POLR2G: variants seen among roughly 807,000 people sequenced by gnomAD.
The protein encoded by POLR2G is DNA-directed RNA polymerase II subunit RPB7.
In POLR2G, 19 loss-of-function variants were observed where a neutral mutation model predicts 25.7. The observed-to-expected ratio is 0.74, with a 90% CI of 0.52 to 1.08. The LOEUF (loss-of-function observed/expected upper bound fraction) is 1.08. POLR2G is among the 50% of genes least tolerant of loss of function. POLR2G has a pLI of 0.00. For synonymous variants in POLR2G, 79 were observed against 76.0 expected, an observed-to-expected ratio of 1.04 and a Z score of -0.21; for missense variants, 123 against 218.5, an observed-to-expected ratio of 0.56 and a Z score of 2.76.
intron 3 of POLR2G, 105 bp downstream of exon 3, chr11:62,763,131 T>TTTTTTC: frequency 3.0e-6 from 1 of 336,778 alleles, no homozygotes; most frequent in Non-Finnish European, 4.9e-6. Context: ...TCACTTCACT[T>TTTTTTC]TTTTTTTTTT....
chr11:62,761,583 T>G lies in POLR2G; in HGVS notation c.-66T>G. On this transcript the variant is annotated 5_prime_UTR_variant, in exon 1 of 8. Coordinates refer to ENST00000301788, the MANE Select transcript of POLR2G (RefSeq NM_002696.3). ...CGGAACTGGGGTTGCGGCGTCTAAGTGTTTCCGGTGGATTCCCAGGGACTG... is the reference window on the plus strand; with the variant it reads ...CGGAACTGGGGTTGCGGCGTCTAAGGGTTTCCGGTGGATTCCCAGGGACTG... The G allele has an allele frequency of 6.6e-7, 1 of 1,513,218 alleles. No homozygotes were observed. The highest frequency in any genetic ancestry group is 1.4e-5 in the African/African-American group (1 of 72,114). 93.7% of individuals were successfully genotyped at this position (1,513,218 alleles called of 1,614,324 possible).
In POLR2G at chr11:62,762,429, T is replaced by C. The variant is rs932847219; in HGVS notation, c.123-438T>C. On this transcript the variant is annotated intron_variant, in intron 2 of 7. Coordinates refer to ENST00000301788, the MANE Select transcript of POLR2G (RefSeq NM_002696.3). ...TCTCTGGGCTTTGCACAGAGGGGCC[T>C]CTCTGATATTAATGAGCTGGGACCC... 3 of 309,580 alleles carry C rather than the reference T, an allele frequency of 9.7e-6. No homozygotes were observed. The Admixed American group carries it at 1.1e-4, about 12-fold the overall frequency. 19.2% of individuals were successfully genotyped at this position (309,580 alleles called of 1,614,324 possible).
intron 3 of POLR2G, 69 bp downstream of exon 3, chr11:62,763,095 T>C (rs1355048568): frequency 3.1e-6 from 3 of 963,196 alleles, no homozygotes; most frequent in African/African-American, 1.7e-5. Flanking sequence ...CTGGCTCCAC[T>C]TCATAACTCT....
In POLR2G at chr11:62,763,027, G is replaced by T; in HGVS notation, c.282+1G>T. On this transcript the variant is annotated splice_donor_variant, in intron 3 of 7. Coordinates refer to ENST00000301788, the MANE Select transcript of POLR2G (RefSeq NM_002696.3). LOFTEE classifies it high-confidence loss of function. ...TGCTGTTGTCACTCAGGTCAACAAG[G>T]TGAGACCATACATAGGGGAGGCAGT... The T allele has an allele frequency of 1.3e-6, 2 of 1,589,440 alleles. No homozygotes were observed. Among genetic ancestry groups the T allele is most frequent in the Non-Finnish European group, 1.7e-6 (2 of 1,162,846 alleles).
At chr11:62,762,603 C>T in intron 2 of POLR2G, 4 of 563,792 alleles carry the variant, frequency 7.1e-6, no homozygotes, top group East Asian at 4.2e-5. Context: ...TCTCAGGCAT[C>T]CCGAAGATTG....
In POLR2G at chr11:62,765,565, A is replaced by G. The variant is rs536189310; in HGVS notation, c.400-88A>G. The G allele has an allele frequency of 3.4e-5, 38 of 1,114,016 alleles. No homozygotes were observed. In the East Asian group the frequency reaches 6.6e-4, roughly 19 times the overall value. The allele number at this position is 1,114,016 out of a possible 1,614,324, so 69.0% of individuals were successfully genotyped here. On this transcript the variant is annotated intron_variant, in intron 5 of 7. Transcript: ENST00000301788. The stretch of plus-strand genomic sequence containing the variant: ...ATGGTGTGAAAGTGATGTGCATTCA[A>G]TATGCCCCCGGGCTTACAGTGAAGT...
intron 5 of POLR2G, 44 bp downstream of exon 5, chr11:62,765,449 C>A: frequency 1.3e-6 from 2 of 1,501,118 alleles, no homozygotes; most frequent in Non-Finnish European, 9.3e-7. Context: ...AGAGAATCAG[C>A]CATCCTGAGG....
chr11:62,762,743 G>A, intron 2 of POLR2G, 124 bp from the exon 3 acceptor site: 2 of 699,584 alleles, frequency 2.9e-6, no homozygotes, highest in Non-Finnish European at 5.2e-6. Flanking sequence ...GGGAGCAGAG[G>A]TGCTATCTAC....
At position 62,762,793 on chromosome 11, in the gene POLR2G, A is replaced by T. The variant is rs2084095104; in HGVS notation, c.123-74A>T. On this transcript the variant is annotated intron_variant, in intron 2 of 7. Transcript: ENST00000301788. The stretch of plus-strand genomic sequence containing the variant: ...TCCCCGACCCTACCCCCAAGAGCTC[A>T]GCGACTTTTATTGCAGATGTCTTTA... 3.9e-6 allele frequency: 5 copies of T among 1,267,970 alleles called. No individual in the cohort carries two copies. In the East Asian group the frequency reaches 1.2e-4, roughly 30 times the overall value. The allele number at this position is 1,267,970 out of a possible 1,614,324, so 78.5% of individuals were successfully genotyped here. A position where few individuals can be genotyped will look rare whatever the true frequency, so the allele number is the denominator to read the frequency against.
At chr11:62,763,560 C>CTGGGAT (rs2084099945) in intron 3 of POLR2G, among the ~76,000 whole-genome samples, 1 of 152,104 alleles carries the variant, frequency 6.6e-6, no homozygotes, top group Non-Finnish European at 1.5e-5. Flanking sequence ...TCCCAAAGTG[C>CTGGGAT]TGGGATTGCA....
intron 3 of POLR2G, among the ~76,000 whole-genome samples, chr11:62,764,718 C>T (rs1220615473): frequency 6.6e-6 from 1 of 152,036 alleles, no homozygotes; most frequent in Admixed American, 6.6e-5. Flanking sequence ...ATCGCTTGAG[C>T]CCAGGAGTTC....
At chr11:62,765,510 T>C (rs1396670761) in intron 5 of POLR2G, 105 bp downstream of exon 5, 1 of 1,120,758 alleles carries the variant, frequency 8.9e-7, no homozygotes, top group Non-Finnish European at 1.4e-6. Context: ...CGAATTACCA[T>C]GGCTTGATTC....
chr11:62,762,599 G>A (rs901579676), intron 2 of POLR2G: 3 of 555,246 alleles, frequency 5.4e-6, no homozygotes, highest in Non-Finnish European at 1.0e-5. Context: ...TGATTCTCAG[G>A]CATCCCGAAG....
At chr11:62,763,622 C>T (rs2467647) in intron 3 of POLR2G, among the ~76,000 whole-genome samples, 11,979 of 151,792 alleles carry the variant, frequency 0.079, 956 homozygotes, top group African/African-American at 0.21. Flanking sequence ...GGTAATCTTG[C>T]CCTGCCTAAC....
chr11:62,763,122 C>A, intron 3 of POLR2G, 96 bp downstream of exon 3: 65 of 517,120 alleles, frequency 1.3e-4, no homozygotes, highest in Non-Finnish European at 1.8e-4. Context: ...TTGGCTAAGT[C>A]ACTTCACTTT....
At position 62,766,240 on chromosome 11, in the gene POLR2G, C is replaced by A. The variant is rs367706909; in HGVS notation, c.472-3C>A. ...CACTTTCTTTTTACCATCTTTCTTGCAGTTTGCTATTGGCTCCCTGATGGA... is the reference window on the plus strand; with the variant it reads ...CACTTTCTTTTTACCATCTTTCTTGAAGTTTGCTATTGGCTCCCTGATGGA... On this transcript the variant is annotated splice_polypyrimidine_tract_variant and splice_region_variant and intron_variant, in intron 6 of 7. Coordinates refer to ENST00000301788, the MANE Select transcript of POLR2G (RefSeq NM_002696.3). 5.0e-6 allele frequency: 8 copies of A among 1,613,362 alleles called. No individual in the cohort carries two copies. The South Asian group carries it at 5.5e-5, about 11-fold the overall frequency.
chr11:62,764,953 G>A (rs1032777810), intron 3 of POLR2G, among the ~76,000 whole-genome samples: 3 of 151,924 alleles, frequency 2.0e-5, no homozygotes, highest in African/African-American at 7.3e-5. Flanking sequence ...CCACCTCCTG[G>A]GTTCAAACGA....
Position 62,765,217 on chromosome 11 carries a change from C to T in POLR2G, c.318C>T (p.Cys106=). ...TCACAGAAATTGGGCCCATGTCTTGCTTCATCTCTCGACATGTAAGTCTGG... is the reference window on the plus strand; with the variant it reads ...TCACAGAAATTGGGCCCATGTCTTGTTTCATCTCTCGACATGTAAGTCTGG... The part of the protein sequence containing the change: ...GLFTEIGPMS[C]FISRHSIPSE... The change falls in exon 4 of 8, where the codon TGC becomes TGT. Residue 106 remains cysteine, a synonymous_variant. Transcript: ENST00000301788. The T allele has an allele frequency of 6.2e-7, 1 of 1,613,892 alleles. No individual in the cohort carries two copies. Among genetic ancestry groups the T allele is most frequent in the Non-Finnish European group, 8.5e-7 (1 of 1,179,898 alleles).
intron 5 of POLR2G, 79 bp from the exon 6 acceptor site, chr11:62,765,574 C>G: frequency 8.7e-7 from 1 of 1,148,496 alleles, no homozygotes; most frequent in South Asian, 1.2e-5. Flanking sequence ...AATATGCCCC[C>G]GGGCTTACAG....
Sources: allele counts gnomAD v4.1 joint callset (sites outside exome capture counted in the v4.1 genomes callset), GRCh38; gene constraint gnomAD v4.1.1; transcripts MANE v1.5; gene names NCBI Gene and HGNC (gene_info 2026-07-23, HGNC 2026-07-21).